Variants in SAMMSON observed in about 807,000 individuals in gnomAD.
SAMMSON encodes survival associated mitochondrial melanoma specific oncogenic non-coding RNA.
At chr3:70,033,964 G>A (rs2067075162) in intron 3 of SAMMSON, among the ~76,000 whole-genome samples, 1 of 152,104 alleles carries the variant, frequency 6.6e-6, no homozygotes, top group South Asian at 2.1e-4. Context: ...ATGTCCTCTG[G>A]AAGACTCCTA....
chr3:70,357,347 CT>C (rs1397101377), intron 8 of SAMMSON, among the ~76,000 whole-genome samples: 2 of 152,104 alleles, frequency 1.3e-5, no homozygotes, highest in Non-Finnish European at 2.9e-5. Flanking sequence ...AGATACAAAG[CT>C]TTTGGTAAGC....
chr3:70,339,594 G>T (rs970200344), intron 7 of SAMMSON, among the ~76,000 whole-genome samples: 1 of 152,086 alleles, frequency 6.6e-6, no homozygotes, highest in African/African-American at 2.4e-5. Context: ...GTGGGCGAAG[G>T]ATATGAACAG....
chr3:70,159,494 C>T (rs1241366045), intron 4 of SAMMSON: 2 of 152,042 alleles, frequency 1.3e-5, no homozygotes, highest in Non-Finnish European at 2.9e-5. Context: ...AATGATTGTA[C>T]CATTCATACA....
chr3:70,155,416 C>T (rs1050481594), intron 4 of SAMMSON, among the ~76,000 whole-genome samples: 59 of 152,154 alleles, frequency 3.9e-4, no homozygotes, highest in African/African-American at 1.3e-3. Context: ...GAGACAGTCA[C>T]TGGTGATCCA....
At chr3:70,294,873 C>T (rs1446974292) in intron 7 of SAMMSON, among the ~76,000 whole-genome samples, 2 of 152,088 alleles carry the variant, frequency 1.3e-5, no homozygotes, top group East Asian at 3.9e-4. Flanking sequence ...AAATAGGAGA[C>T]TATCTTTTTT....
At chr3:70,084,856 G>A (rs1540657) in intron 4 of SAMMSON, 128,605 of 152,192 alleles carry the variant, frequency 0.85, 54,917 homozygotes, top group East Asian at 0.97. Context: ...TCCCCAATTT[G>A]CAGATGGGAA....
intron 6 of SAMMSON, among the ~76,000 whole-genome samples, chr3:70,276,979 T>A (rs1346692255): frequency 2.0e-5 from 3 of 152,198 alleles, no homozygotes; most frequent in Non-Finnish European, 4.4e-5. Context: ...TTTTTTTTTT[T>A]ATTCTTTCTT....
At chr3:70,043,385 T>G (rs1013529380) in intron 3 of SAMMSON, among the ~76,000 whole-genome samples, 1 of 152,112 alleles carries the variant, frequency 6.6e-6, no homozygotes, top group African/African-American at 2.4e-5. Context: ...GTTAGTTCAT[T>G]ATTTCCAGCA....
intron 7 of SAMMSON, among the ~76,000 whole-genome samples, chr3:70,350,807 G>A (rs1702788931): frequency 6.6e-6 from 1 of 152,098 alleles, no homozygotes; most frequent in African/African-American, 2.4e-5. Flanking sequence ...CCATACTGTG[G>A]ACGGCCTAAT....
At chr3:70,396,116 G>T (rs565268844) in intron 2 of SAMMSON, among the ~76,000 whole-genome samples, 4 of 151,998 alleles carry the variant, frequency 2.6e-5, no homozygotes, top group Non-Finnish European at 5.9e-5. Flanking sequence ...TGAAGGTCTG[G>T]GCACAGTGAC....
chr3:70,214,085 T>A (rs1701381413), intron 4 of SAMMSON, among the ~76,000 whole-genome samples: 1 of 152,150 alleles, frequency 6.6e-6, no homozygotes, highest in African/African-American at 2.4e-5. Context: ...CCTCACCTTT[T>A]TGAAATGAAT....
At chr3:70,084,293 T>C (rs1190845267) in intron 4 of SAMMSON, among the ~76,000 whole-genome samples, 4 of 152,120 alleles carry the variant, frequency 2.6e-5, no homozygotes, top group African/African-American at 9.7e-5. Context: ...TCTAGAATCA[T>C]GTAAGGGTAA....
chr3:70,316,251 CAAAT>C (rs1468201413), intron 7 of SAMMSON, among the ~76,000 whole-genome samples: 5 of 152,212 alleles, frequency 3.3e-5, no homozygotes, highest in East Asian at 1.9e-4. Flanking sequence ...TTTGAACAAA[CAAAT>C]AATCAGTTGC....
chr3:70,173,893 T>C (rs1217579713), intron 4 of SAMMSON, among the ~76,000 whole-genome samples: 2 of 151,888 alleles, frequency 1.3e-5, no homozygotes, highest in African/African-American at 4.8e-5. Context: ...GGAAATAATA[T>C]AGATATACCA....
chr3:70,136,824 C>T (rs959630659), intron 4 of SAMMSON, among the ~76,000 whole-genome samples: 1 of 57,756 alleles, frequency 1.7e-5, no homozygotes, highest in Non-Finnish European at 3.4e-5. Context: ...TAACTTAAGA[C>T]ATTTTATGTC....
At chr3:70,229,074 T>C (rs995259654) in intron 4 of SAMMSON, among the ~76,000 whole-genome samples, 2 of 152,208 alleles carry the variant, frequency 1.3e-5, no homozygotes, top group African/African-American at 4.8e-5. Flanking sequence ...CCAGAGAAGA[T>C]GAACCAATAA....
intron 3 of SAMMSON, among the ~76,000 whole-genome samples, chr3:70,042,487 T>TA (rs1243234511): frequency 6.6e-6 from 1 of 152,086 alleles, no homozygotes; most frequent in Non-Finnish European, 1.5e-5. Flanking sequence ...TTTTACTTTT[T>TA]AAAAAAACCT....
At chr3:70,014,120 A>T (rs774987183) in intron 3 of SAMMSON, 1 of 152,208 alleles carries the variant, frequency 6.6e-6, no homozygotes, top group Non-Finnish European at 1.5e-5. Flanking sequence ...CCTCATGGCA[A>T]TGATGGTCTT....
At chr3:70,063,632 G>A (rs914722878) in intron 3 of SAMMSON, among the ~76,000 whole-genome samples, 2 of 152,120 alleles carry the variant, frequency 1.3e-5, no homozygotes, top group African/African-American at 4.8e-5. Flanking sequence ...AGCTGCCACT[G>A]CATATCCCTG....
Sources: allele counts gnomAD v4.1 joint callset (sites outside exome capture counted in the v4.1 genomes callset), GRCh38; gene constraint gnomAD v4.1.1; transcripts MANE v1.5; gene names NCBI Gene and HGNC (gene_info 2026-07-23, HGNC 2026-07-21).